SLC37A1: variants seen among roughly 807,000 people sequenced by gnomAD.
SLC37A1 encodes glucose-6-phosphate exchanger SLC37A1.
A neutral mutation model predicts 75.3 loss-of-function variants in SLC37A1; 49 were observed. The ratio of observed to expected loss-of-function variants is 0.65; its 90% CI spans 0.52 to 0.83. The LOEUF is 0.83. SLC37A1 is among the 40% of genes least tolerant of loss of function. SLC37A1 has a pLI of 0.00. For synonymous variants in SLC37A1, 268 were observed against 292.1 expected (o/e 0.92, Z 0.84); for missense variants, 566 against 695.0 (o/e 0.81, Z 2.09).
chr21:42,579,661 C>G, intron 18 of SLC37A1, 75 bp from the exon 19 acceptor site: 1 of 1,533,276 alleles, frequency 6.5e-7, no homozygotes, highest in East Asian at 2.3e-5. Flanking sequence ...CGGGCCAGGT[C>G]CTCATGGTGC....
intron 9 of SLC37A1, among the ~76,000 whole-genome samples, chr21:42,549,574 A>C (rs1601727408): frequency 6.6e-6 from 1 of 152,334 alleles, no homozygotes. Flanking sequence ...CAGCTTCTGC[A>C]AACAGCCCCA....
chr21:42,524,857 A>C (rs2054740894), intron 2 of SLC37A1, among the ~76,000 whole-genome samples: 1 of 152,182 alleles, frequency 6.6e-6, no homozygotes, highest in East Asian at 1.9e-4. Flanking sequence ...TTGTTTGCTA[A>C]TGAGGTGACT....
chr21:42,532,994 C>T (rs1489773705), intron 3 of SLC37A1, among the ~76,000 whole-genome samples: 1 of 152,226 alleles, frequency 6.6e-6, no homozygotes, highest in African/African-American at 2.4e-5. Context: ...GACTCAGTGA[C>T]GTGGCCCACG....
intron 8 of SLC37A1, among the ~76,000 whole-genome samples, chr21:42,546,658 C>T (rs893508230): frequency 3.9e-5 from 6 of 152,180 alleles, no homozygotes; most frequent in African/African-American, 1.4e-4. Context: ...GCTGCCAGGC[C>T]GAGTGACTGG....
Position 42,564,709 on chromosome 21 carries a change from T to C in SLC37A1, c.1137T>C (p.Gly379=). 6.2e-7 allele frequency: 1 copy of C among 1,611,068 alleles called. No individual in the cohort carries two copies. The highest frequency in any genetic ancestry group is 8.5e-7 in the Non-Finnish European group (1 of 1,179,730). Residue 379 remains glycine, a splice_region_variant and synonymous_variant, in exon 14 of 20, where the codon GGT becomes GGC. Coordinates refer to ENST00000352133, the MANE Select transcript of SLC37A1 (RefSeq NM_001320537.2). The part of the protein sequence containing the change: ...STLFDVGGIF[G]GILAGVISDR... ...CTGAAGCCCGCCTCTCCGTTGCAGG[T>C]GGGATCCTGGCAGGTGTGATCTCAG...
Position 42,525,818 on chromosome 21 carries a change from A to G in SLC37A1, c.99A>G (p.Ala33=). The change falls in exon 3 of 20, where the codon GCA becomes GCG. Residue 33 remains alanine, a synonymous_variant. Coordinates refer to ENST00000352133, the MANE Select transcript of SLC37A1 (RefSeq NM_001320537.2). ...TTATTTTGACATTTCTGCTGTATGCAAGTTTTCACTTATCTCGAAAGCCTA... is the reference window on the plus strand; with the variant it reads ...TTATTTTGACATTTCTGCTGTATGCGAGTTTTCACTTATCTCGAAAGCCTA... The part of the protein sequence containing the change: ...FIFILTFLLY[A]SFHLSRKPIS... 1 of 1,614,060 alleles carries G rather than the reference A, an allele frequency of 6.2e-7. No individual in the cohort carries two copies. The highest frequency in any genetic ancestry group is 1.1e-5 in the South Asian group (1 of 91,064).
chr21:42,515,916 G>A (rs920671631), intron 1 of SLC37A1, among the ~76,000 whole-genome samples: 4 of 152,234 alleles, frequency 2.6e-5, no homozygotes, highest in Admixed American at 6.5e-5. Context: ...GCACCACCAC[G>A]CCCAGCTCTT....
chr21:42,562,270 A>G, intron 12 of SLC37A1, 102 bp downstream of exon 12: 1 of 1,042,458 alleles, frequency 9.6e-7, no homozygotes, highest in Admixed American at 1.8e-5. Context: ...CAAGGTCATG[A>G]AGGGTGATTT....
Position 42,545,055 on chromosome 21 carries a change from T to C in SLC37A1, c.730+1453T>C, listed in dbSNP as rs2055372796. 6.6e-6 allele frequency among the ~76,000 whole-genome samples: 1 copy of C among 152,204 alleles called. No individual in the cohort carries two copies. ...CACCCGCTCCAGGCATTCACGGCCCTATGTTGATGTTTGTCTCTGTAAGCA... is the reference window on the plus strand; with the variant it reads ...CACCCGCTCCAGGCATTCACGGCCCCATGTTGATGTTTGTCTCTGTAAGCA... On this transcript the variant is annotated intron_variant, in intron 8 of 19. Transcript: ENST00000352133. The surrounding 1 kb of genome is among the most constrained non-coding windows in gnomAD (Gnocchi z 4.0).
chr21:42,518,531 C>T (rs772786842), intron 2 of SLC37A1, 21 bp downstream of exon 2: 2 of 1,613,946 alleles, frequency 1.2e-6, no homozygotes, highest in Non-Finnish European at 1.7e-6. Flanking sequence ...GTGGGGCAGG[C>T]CCTTGGCATG....
intron 19 of SLC37A1, among the ~76,000 whole-genome samples, chr21:42,580,013 G>T (rs1156632500): frequency 1.3e-5 from 2 of 152,192 alleles, no homozygotes; most frequent in East Asian, 3.9e-4. Flanking sequence ...AGTGGAAAAT[G>T]TGAGGGAATT....
At chr21:42,579,943 C>CTTTTTTTTTT in intron 19 of SLC37A1, 143 bp downstream of exon 19, 1 of 726,170 alleles carries the variant, frequency 1.4e-6, no homozygotes, top group Non-Finnish European at 2.3e-6. Context: ...TTCACTCTCA[C>CTTTTTTTTTT]TTTTTCTTTT....
chr21:42,536,662 C>A (rs1445562196), intron 5 of SLC37A1, among the ~76,000 whole-genome samples: 1 of 152,196 alleles, frequency 6.6e-6, no homozygotes, highest in Non-Finnish European at 1.5e-5. Flanking sequence ...GAGGGCGTCA[C>A]CTAGCAGAGG....
At chr21:42,568,981 G>GCCCATC (rs2056053372) in intron 17 of SLC37A1, among the ~76,000 whole-genome samples, 1 of 152,234 alleles carries the variant, frequency 6.6e-6, no homozygotes, top group Non-Finnish European at 1.5e-5. Flanking sequence ...CCTTCCCTGA[G>GCCCATC]CCCTTGTATG....
At chr21:42,569,735 C>T (rs1391461332) in intron 17 of SLC37A1, among the ~76,000 whole-genome samples, 2 of 152,268 alleles carry the variant, frequency 1.3e-5, no homozygotes, top group African/African-American at 4.8e-5. Flanking sequence ...GTTTTGTCTC[C>T]TCTGTCTCCT....
In SLC37A1 at chr21:42,543,549, C is replaced by T. The variant is rs2055334551; in HGVS notation, c.677C>T (p.Pro226Leu). Residue 226 changes from proline to leucine, a missense_variant, in exon 8 of 20, where the codon CCT (proline) becomes CTT (leucine). By Grantham distance (98) the Pro-to-Leu change is moderately conservative. Coordinates refer to ENST00000352133, the MANE Select transcript of SLC37A1 (RefSeq NM_001320537.2). Reference sequence around the variant, plus strand: ...TGCTGGGGCCTGTCCTTCGTCGTGCCTGGAGCCATCGTGGCAGCCATGGGG... The same window carrying T: ...TGCTGGGGCCTGTCCTTCGTCGTGCTTGGAGCCATCGTGGCAGCCATGGGG... Reference protein sequence around the residue: ...STCWGLSFVVPGAIVAAMGIV... With the variant: ...STCWGLSFVVLGAIVAAMGIV... The T allele has an allele frequency of 6.2e-7, 1 of 1,613,588 alleles. No homozygotes were observed. Among genetic ancestry groups the T allele is most frequent in the Non-Finnish European group, 8.5e-7 (1 of 1,179,692 alleles).
intron 18 of SLC37A1, among the ~76,000 whole-genome samples, chr21:42,578,616 T>C (rs2056354120): frequency 1.3e-5 from 2 of 152,196 alleles, no homozygotes; most frequent in Non-Finnish European, 2.9e-5. Flanking sequence ...ATCTTGCTAT[T>C]GTCACCAGCA....
chr21:42,530,620 A>G (rs2054926134), intron 3 of SLC37A1, among the ~76,000 whole-genome samples: 1 of 83,772 alleles, frequency 1.2e-5, no homozygotes, highest in African/African-American at 4.5e-5. Context: ...ACACACACAC[A>G]CACACACACA....
At chr21:42,566,935 G>A (rs769340887) in intron 15 of SLC37A1, 50 bp from the exon 16 acceptor site, 1 of 1,574,976 alleles carries the variant, frequency 6.3e-7, no homozygotes. Flanking sequence ...TATGCATGCG[G>A]GGCTCTCTGG....
Sources: gnomAD v4.1 joint callset for allele counts (sites outside exome capture counted in the v4.1 genomes callset) on GRCh38, gnomAD v4.1.1 for gene constraint, Gnocchi (gnomAD v3.1) non-coding constraint, MANE v1.5 for transcripts, NCBI Gene and HGNC (gene_info 2026-07-23, HGNC 2026-07-21) for gene names.